The following GSE1 variants were observed in gnomAD, a reference collection of about 807,000 sequenced individuals.
GSE1 encodes the protein genetic suppressor element 1.
GSE1 carries 32 observed loss-of-function variants against 112.6 expected under a neutral mutation model. That is an observed-to-expected ratio of 0.28 (90% CI 0.21 to 0.38). The LOEUF (loss-of-function observed/expected upper bound fraction) is 0.38, where lower values mean the gene tolerates loss of function less well. Among genes scored for constraint, GSE1 ranks in the 10% least tolerant of loss-of-function variants. The probability of loss-of-function intolerance (pLI) is 1.00; values close to 1 mark genes in which losing one functional copy is unlikely to be tolerated. For missense variants in GSE1, 2,348 were observed against 1,699.2 expected (o/e 1.38, Z -6.71); for synonymous variants, 1,115 against 735.6 (o/e 1.52, Z -8.35).
intron 2 of GSE1, among the ~76,000 whole-genome samples, chr16:85,647,857 T>C (rs1041650772): frequency 6.6e-6 from 1 of 152,224 alleles, no homozygotes; most frequent in Non-Finnish European, 1.5e-5. Flanking sequence ...AGTGCTGGGA[T>C]TACAGGCGGG....
chr16:85,231,475 GATGA>G (rs1370931752), intron 1 of GSE1, among the ~76,000 whole-genome samples: 2 of 152,148 alleles, frequency 1.3e-5, no homozygotes. Flanking sequence ...TGGATGGATG[GATGA>G]ATAGATGGAT....
At chr16:85,525,081 T>C (rs1424159452) in intron 2 of GSE1, among the ~76,000 whole-genome samples, 1 of 152,130 alleles carries the variant, frequency 6.6e-6, no homozygotes, top group African/African-American at 2.4e-5. Context: ...CGTCACCACG[T>C]CTGCTGGCCC....
chr16:85,411,114 C>G (rs74783189), intron 2 of GSE1, among the ~76,000 whole-genome samples: 1 of 126,416 alleles, frequency 7.9e-6, no homozygotes, highest in Admixed American at 8.1e-5. Context: ...CACTCAGGCC[C>G]CCCGGATAAT....
chr16:85,480,314 C>T (rs1597893664), intron 2 of GSE1, among the ~76,000 whole-genome samples: 2 of 152,018 alleles, frequency 1.3e-5, no homozygotes, highest in South Asian at 2.1e-4. Flanking sequence ...TTGGGTGAGG[C>T]GGGACTGGGA....
Position 85,675,703 on chromosome 16 carries a change from G to A in GSE1, c.*3164G>A, listed in dbSNP as rs1412759664. ...CACACCAGATCCTACCCCTTTCCCT[G>A]AGCCACATGTTTCACACAAGTGTAG... On this transcript the variant is annotated 3_prime_UTR_variant, in exon 16 of 16. Transcript: ENST00000253458. The A allele has an allele frequency of 2.6e-5, 4 of 152,192 alleles. No individual in the cohort carries two copies. The highest frequency in any genetic ancestry group is 9.7e-5 in the African/African-American group (4 of 41,442). 9.4% of individuals were successfully genotyped at this position (152,192 alleles called of 1,614,324 possible).
intron 1 of GSE1, among the ~76,000 whole-genome samples, chr16:85,291,781 C>G (rs1431989904): frequency 1.3e-5 from 2 of 152,228 alleles, no homozygotes; most frequent in Non-Finnish European, 2.9e-5. Flanking sequence ...TCCCAGGCCT[C>G]TCCGTGGGGC....
chr16:85,215,174 C>T (rs1281942042), intron 1 of GSE1, among the ~76,000 whole-genome samples: 1 of 152,206 alleles, frequency 6.6e-6, no homozygotes, highest in Non-Finnish European at 1.5e-5. Flanking sequence ...AGTCAGATCC[C>T]TGCTCCTCAG....
chr16:85,198,365 G>A (rs535247402), intron 1 of GSE1, among the ~76,000 whole-genome samples: 3 of 152,348 alleles, frequency 2.0e-5, no homozygotes, highest in South Asian at 2.1e-4. Context: ...TCCTTGGAAC[G>A]TGTTTTCTAG....
intron 2 of GSE1, among the ~76,000 whole-genome samples, chr16:85,644,297 C>G (rs530133440): frequency 1.3e-5 from 2 of 151,484 alleles, no homozygotes; most frequent in African/African-American, 4.9e-5. Context: ...TGTGATTGCA[C>G]CACTGCACTC....
chr16:85,351,262 G>T (rs1157719990), intron 1 of GSE1, among the ~76,000 whole-genome samples: 2 of 152,212 alleles, frequency 1.3e-5, no homozygotes, highest in Admixed American at 6.5e-5. Flanking sequence ...CTGGAGAAGG[G>T]AATTCTCTGT....
chr16:85,331,357 G>GTATATATATGTATATATA (rs1161946667), intron 1 of GSE1, among the ~76,000 whole-genome samples: 4 of 57,120 alleles, frequency 7.0e-5, no homozygotes, highest in African/African-American at 2.1e-4. Flanking sequence ...GTGTGTGTGT[G>GTATATATATGTATATATA]TGTGTGTGTA....
chr16:85,196,280 T>C (rs2074925273), intron 1 of GSE1, among the ~76,000 whole-genome samples: 2 of 152,114 alleles, frequency 1.3e-5, no homozygotes. Context: ...TTTAGGTGAC[T>C]AGGGAGAGAA....
intron 1 of GSE1, among the ~76,000 whole-genome samples, chr16:85,567,407 T>C (rs930543895): frequency 5.9e-5 from 9 of 152,196 alleles, no homozygotes; most frequent in Non-Finnish European, 1.2e-4. Flanking sequence ...GGAGGCAAGG[T>C]GATTTGCTGT....
At chr16:85,601,158 G>C (rs551350555) in intron 1 of GSE1, among the ~76,000 whole-genome samples, 1 of 152,042 alleles carries the variant, frequency 6.6e-6, no homozygotes, top group African/African-American at 2.4e-5. Flanking sequence ...GGGGCTGGGC[G>C]AGTCTAGAGA....
intron 2 of GSE1, among the ~76,000 whole-genome samples, chr16:85,440,864 C>A (rs2049358667): frequency 6.6e-6 from 1 of 152,218 alleles, no homozygotes; most frequent in African/African-American, 2.4e-5. Flanking sequence ...CTGGCTCAGC[C>A]CCGGCCTGGC....
intron 1 of GSE1, among the ~76,000 whole-genome samples, chr16:85,559,735 C>T (rs1407989316): frequency 6.6e-6 from 1 of 152,182 alleles, no homozygotes; most frequent in Non-Finnish European, 1.5e-5. Context: ...AAGATGGGAT[C>T]CATAATTGTA....
intron 1 of GSE1, among the ~76,000 whole-genome samples, chr16:85,197,974 T>C (rs1010338100): frequency 1.3e-5 from 2 of 152,006 alleles, no homozygotes; most frequent in Non-Finnish European, 2.9e-5. Context: ...ATACAGTCAG[T>C]GACAAACCAA....
intron 1 of GSE1, among the ~76,000 whole-genome samples, chr16:85,232,063 C>T (rs1446093772): frequency 1.3e-5 from 2 of 152,206 alleles, no homozygotes; most frequent in African/African-American, 2.4e-5. Flanking sequence ...CAGTGAGAGG[C>T]GGTGCTGGGG....
intron 1 of GSE1, among the ~76,000 whole-genome samples, chr16:85,266,573 C>A (rs531843147): frequency 6.6e-6 from 1 of 152,210 alleles, no homozygotes; most frequent in East Asian, 1.9e-4. Context: ...TGCCTGTCAC[C>A]CAGCAGACAA....
Sources: allele counts gnomAD v4.1 joint callset (sites outside exome capture counted in the v4.1 genomes callset), GRCh38; gene constraint gnomAD v4.1.1; transcripts MANE v1.5; gene names NCBI Gene and HGNC (gene_info 2026-07-23, HGNC 2026-07-21).